Variants in IL1RAPL1 observed in about 807,000 individuals in gnomAD.
IL1RAPL1 encodes interleukin 1 receptor accessory protein like 1.
A neutral mutation model predicts 48.4 loss-of-function variants in IL1RAPL1; 3 were observed. The observed-to-expected ratio is 0.06, with a 90% CI of 0.03 to 0.16. IL1RAPL1 has a LOEUF of 0.16. Among genes scored for constraint, IL1RAPL1 ranks in the 10% least tolerant of loss-of-function variants. The probability of loss-of-function intolerance (pLI) is 1.00; values close to 1 mark genes in which losing one functional copy is unlikely to be tolerated. For missense variants in IL1RAPL1, 349 were observed against 530.6 expected, an observed-to-expected ratio of 0.66 and a Z score of 3.36; for synonymous variants, 185 against 187.7, an observed-to-expected ratio of 0.99 and a Z score of 0.12.
At chrX:29,094,460 T>G (rs1928158906) in intron 2 of IL1RAPL1, among the ~76,000 whole-genome samples, 1 of 109,358 alleles carries the variant, frequency 9.1e-6, no homozygotes, top group Admixed American at 9.9e-5. Flanking sequence ...TTGTTTTACT[T>G]AAAGAAACAT....
At chrX:28,693,038 T>C (rs1217372277) in intron 1 of IL1RAPL1, among the ~76,000 whole-genome samples, 1 of 112,316 alleles carries the variant, frequency 8.9e-6, no homozygotes, top group African/African-American at 3.2e-5. Context: ...TCAATTTTTT[T>C]CATTAACTTT....
At chrX:29,661,158 G>A (rs1053612286) in intron 5 of IL1RAPL1, among the ~76,000 whole-genome samples, 1 of 112,126 alleles carries the variant, frequency 8.9e-6, no homozygotes, top group Admixed American at 9.5e-5. Flanking sequence ...ACTAATTTTT[G>A]TATGTTGATT....
At chrX:28,784,732 C>T (rs973632068) in intron 1 of IL1RAPL1, among the ~76,000 whole-genome samples, 1 of 111,424 alleles carries the variant, frequency 9.0e-6, no homozygotes, top group African/African-American at 3.3e-5. Context: ...AAGAATAAAA[C>T]AAATGAGTGC....
At chrX:29,482,707 G>A (rs1213321064) in intron 5 of IL1RAPL1, among the ~76,000 whole-genome samples, 1 of 111,486 alleles carries the variant, frequency 9.0e-6, no homozygotes, top group African/African-American at 3.3e-5. Context: ...TCCATTTTTT[G>A]TTTATAATAC....
chrX:29,738,455 T>C (rs372602438), intron 6 of IL1RAPL1, among the ~76,000 whole-genome samples: 1 of 103,104 alleles, frequency 9.7e-6, no homozygotes, highest in Non-Finnish European at 2.0e-5. Flanking sequence ...CTTTTCTTTT[T>C]TTTTTTTTTT....
chrX:29,609,496 CCTT>C (rs1229107403), intron 5 of IL1RAPL1, among the ~76,000 whole-genome samples: 2 of 111,931 alleles, frequency 1.8e-5, no homozygotes, highest in Non-Finnish European at 3.8e-5. Context: ...CCAAATCCTG[CCTT>C]CTTTGTGTGT....
chrX:29,490,934 G>A (rs184129748), intron 5 of IL1RAPL1, among the ~76,000 whole-genome samples: 3 of 108,770 alleles, frequency 2.8e-5, no homozygotes, highest in East Asian at 2.8e-4. Flanking sequence ...TCATTTGTAT[G>A]CACTTAATGT....
At chrX:28,950,745 C>T (rs1410030341) in intron 2 of IL1RAPL1, among the ~76,000 whole-genome samples, 3 of 106,118 alleles carry the variant, frequency 2.8e-5, no homozygotes, top group Non-Finnish European at 3.9e-5. Context: ...CTAGAAATAC[C>T]ATTTGACCCA....
intron 3 of IL1RAPL1, among the ~76,000 whole-genome samples, chrX:29,290,045 C>G (rs1932347354): frequency 9.0e-6 from 1 of 111,494 alleles, no homozygotes; most frequent in African/African-American, 3.3e-5. Flanking sequence ...AAGTAAGCAT[C>G]TATCAAAAAG....
chrX:29,469,084 A>G (rs920883284), intron 5 of IL1RAPL1, among the ~76,000 whole-genome samples: 2 of 111,976 alleles, frequency 1.8e-5, no homozygotes, highest in Non-Finnish European at 3.8e-5. Context: ...CTGTGGTGGG[A>G]GCAAAAGAAT....
intron 6 of IL1RAPL1, among the ~76,000 whole-genome samples, chrX:29,855,127 C>G (rs1405993274): frequency 9.0e-6 from 1 of 111,463 alleles, no homozygotes; most frequent in African/African-American, 3.3e-5. Context: ...GCCATTGAAT[C>G]ATTAAGACAG....
intron 6 of IL1RAPL1, among the ~76,000 whole-genome samples, chrX:29,689,430 T>A (rs1601780241): frequency 8.9e-6 from 1 of 112,187 alleles, no homozygotes; most frequent in South Asian, 3.7e-4. Context: ...AAGTTCTCAA[T>A]GTATTAATAA....
At chrX:29,699,740 T>C (rs1927004934) in intron 6 of IL1RAPL1, among the ~76,000 whole-genome samples, 1 of 112,107 alleles carries the variant, frequency 8.9e-6, no homozygotes, top group Admixed American at 9.5e-5. Context: ...TTCAAGTAGA[T>C]TAAATGTTAT....
intron 6 of IL1RAPL1, among the ~76,000 whole-genome samples, chrX:29,877,353 A>G (rs1320664326): frequency 1.8e-5 from 2 of 111,634 alleles, no homozygotes; most frequent in East Asian, 5.6e-4. Context: ...CTACTTGGTA[A>G]GCAGCATCAC....
intron 1 of IL1RAPL1, among the ~76,000 whole-genome samples, chrX:28,627,994 G>A (rs900129552): frequency 2.7e-5 from 3 of 111,352 alleles, no homozygotes; most frequent in Non-Finnish European, 3.8e-5. Context: ...CAATAAGGTC[G>A]CCCGTCTGAG....
chrX:29,861,702 AAAAAT>A (rs1195737290), intron 6 of IL1RAPL1, among the ~76,000 whole-genome samples: 1 of 111,796 alleles, frequency 8.9e-6, no homozygotes, highest in Non-Finnish European at 1.9e-5. Context: ...TATGGAAATA[AAAAAT>A]AAAATAAAAA....
At chrX:29,080,422 A>T (rs1927776671) in intron 2 of IL1RAPL1, among the ~76,000 whole-genome samples, 1 of 111,058 alleles carries the variant, frequency 9.0e-6, no homozygotes, top group South Asian at 3.8e-4. Context: ...AAAAAATAAA[A>T]AAGGGAAGAA....
intron 2 of IL1RAPL1, among the ~76,000 whole-genome samples, chrX:29,087,133 A>ATT (rs1569234001): frequency 4.2e-4 from 43 of 102,139 alleles, no homozygotes; most frequent in African/African-American, 1.4e-3. Flanking sequence ...ATTATTTAAA[A>ATT]ATTTTTTTTT....
chrX:29,801,396 C>A (rs1245495680), intron 6 of IL1RAPL1, among the ~76,000 whole-genome samples: 1 of 111,357 alleles, frequency 9.0e-6, no homozygotes, highest in Non-Finnish European at 1.9e-5. Flanking sequence ...ACCTGTTGAG[C>A]CCTTCTGTGC....
Sources: gnomAD v4.1 joint callset for allele counts (sites outside exome capture counted in the v4.1 genomes callset) on GRCh38, gnomAD v4.1.1 for gene constraint, MANE v1.5 for transcripts, NCBI Gene and HGNC (gene_info 2026-07-23, HGNC 2026-07-21) for gene names.